Variants in AGPAT3 observed in about 807,000 individuals in gnomAD.
AGPAT3 encodes the protein 1-acylglycerol-3-phosphate O-acyltransferase 3.
A neutral mutation model predicts 47.3 loss-of-function variants in AGPAT3; 5 were observed. The ratio of observed to expected loss-of-function variants is 0.11; its 90% CI spans 0.06 to 0.22. The LOEUF (loss-of-function observed/expected upper bound fraction) is 0.22. Ranked by LOEUF, AGPAT3 falls within the 10% of genes least tolerant of loss-of-function variation. The pLI, the probability that AGPAT3 is intolerant of heterozygous loss-of-function variation, is 1.00. For synonymous variants in AGPAT3, 212 were observed against 208.3 expected (o/e 1.02, Z -0.15); for missense variants, 315 against 493.0 (o/e 0.64, Z 3.42).
intron 7 of AGPAT3, among the ~76,000 whole-genome samples, 187 bp from the exon 8 acceptor site, chr21:43,977,859 C>T (rs2089678412): frequency 5.3e-5 from 8 of 151,232 alleles, no homozygotes; most frequent in Admixed American, 5.3e-4. Flanking sequence ...TGCTCTCCAG[C>T]CTGGCAACAG....
intron 1 of AGPAT3, among the ~76,000 whole-genome samples, chr21:43,868,023 T>C (rs1297401023): frequency 6.6e-6 from 1 of 152,214 alleles, no homozygotes; most frequent in African/African-American, 2.4e-5. Context: ...TTTAGGCAAG[T>C]GCATTAATCG....
intron 2 of AGPAT3, chr21:43,946,886 A>AG (rs1296741234): frequency 1.3e-5 from 2 of 152,314 alleles, no homozygotes; most frequent in Non-Finnish European, 2.9e-5. Flanking sequence ...TAGCATGGGA[A>AG]GCGCCTGCTG....
chr21:43,909,541 CT>C (rs2146082386), intron 2 of AGPAT3, among the ~76,000 whole-genome samples: 1 of 152,362 alleles, frequency 6.6e-6, no homozygotes, highest in Admixed American at 6.5e-5. Flanking sequence ...CGTGATCCAC[CT>C]GTCTTGGCCT....
chr21:43,945,417 T>G (rs984636587), intron 2 of AGPAT3, among the ~76,000 whole-genome samples: 2 of 152,252 alleles, frequency 1.3e-5, no homozygotes, highest in Admixed American at 1.3e-4. Context: ...CACGTTTTAT[T>G]GGTTTGAGTA....
intron 3 of AGPAT3, chr21:43,960,652 C>T: frequency 2.7e-6 from 2 of 729,968 alleles, no homozygotes; most frequent in Middle Eastern, 7.0e-4. Context: ...CTAGAAGCAA[C>T]CCAAGCACCT....
At chr21:43,889,683 C>G (rs1371208215) in intron 1 of AGPAT3, among the ~76,000 whole-genome samples, 1 of 152,156 alleles carries the variant, frequency 6.6e-6, no homozygotes, top group African/African-American at 2.4e-5. Context: ...CGTGCCTGAT[C>G]TCATCAGAAG....
At chr21:43,904,868 A>T (rs2086451639) in intron 2 of AGPAT3, among the ~76,000 whole-genome samples, 1 of 152,058 alleles carries the variant, frequency 6.6e-6, no homozygotes, top group Non-Finnish European at 1.5e-5. Flanking sequence ...ATCAAATCCC[A>T]TCCCTGATGT....
chr21:43,913,838 C>T (rs147954017), intron 2 of AGPAT3, among the ~76,000 whole-genome samples: 2 of 152,160 alleles, frequency 1.3e-5, no homozygotes, highest in African/African-American at 4.8e-5. Context: ...GTACCGAGGT[C>T]GAGAGACCTC....
At position 43,934,622 on chromosome 21, in the gene AGPAT3, C is replaced by T. The variant is rs541791564; in HGVS notation, c.-48-25012C>T. Reference sequence around the variant, plus strand: ...GGTGATGGGGCGGAGGAGGGGACAGCGGGAACCTGTGGAGGGGCGGGCTCA... The same window carrying T: ...GGTGATGGGGCGGAGGAGGGGACAGTGGGAACCTGTGGAGGGGCGGGCTCA... On this transcript the variant is annotated intron_variant, in intron 2 of 9. Coordinates refer to ENST00000291572, the MANE Select transcript of AGPAT3 (RefSeq NM_020132.5). This position sits in a 1 kb window ranked among gnomAD's most constrained non-coding sequence, Gnocchi z 4.7. 6.6e-6 allele frequency among the ~76,000 whole-genome samples: 1 copy of T among 152,238 alleles called. No individual in the cohort carries two copies. Among genetic ancestry groups the T allele is most frequent in the East Asian group, 1.9e-4 (1 of 5,182 alleles).
At chr21:43,931,612 C>T (rs369675570) in intron 2 of AGPAT3, among the ~76,000 whole-genome samples, 128 of 151,668 alleles carry the variant, frequency 8.4e-4, no homozygotes, top group African/African-American at 2.8e-3. Context: ...GACGCCACAT[C>T]GGCCCCGTTA....
intron 3 of AGPAT3, among the ~76,000 whole-genome samples, chr21:43,961,071 T>A (rs2088809129): frequency 1.3e-5 from 2 of 148,390 alleles, no homozygotes; most frequent in Non-Finnish European, 3.0e-5. Flanking sequence ...ACCTGGGAGG[T>A]GGAGGCTGCA....
intron 8 of AGPAT3, 64 bp from the exon 9 acceptor site, chr21:43,980,925 C>T: frequency 6.9e-7 from 1 of 1,453,288 alleles, no homozygotes; most frequent in East Asian, 2.3e-5. Flanking sequence ...CAATCTTCTC[C>T]TGCATTGAAA....
At chr21:43,935,577 G>C (rs1365146527) in intron 2 of AGPAT3, among the ~76,000 whole-genome samples, 1 of 152,242 alleles carries the variant, frequency 6.6e-6, no homozygotes, top group Non-Finnish European at 1.5e-5. Flanking sequence ...GCGGAGCTCG[G>C]AGAGACCTGA....
chr21:43,966,086 T>G (rs943956387), intron 3 of AGPAT3: 2 of 152,254 alleles, frequency 1.3e-5, no homozygotes, highest in Non-Finnish European at 2.9e-5. Context: ...CTGACAGCTG[T>G]CTGCAGTTAG....
rs2089364262 is a variant in AGPAT3, at chr21:43,970,855, A to G, written c.664+49A>G. 8 of 1,442,944 alleles carry G rather than the reference A, an allele frequency of 5.5e-6. No homozygotes were observed. The African/African-American group carries it at 1.2e-4, about 22-fold the overall frequency. The allele number at this position is 1,442,944 out of a possible 1,614,324, so 89.4% of individuals were successfully genotyped here. A position where few individuals can be genotyped will look rare whatever the true frequency, so the allele number is the denominator to read the frequency against. ...GGGGCCACCGCTATGCTCACGGAAA[A>G]TAGTGATTTCTTTAAAAAAAAAAAA... On this transcript the variant is annotated intron_variant, in intron 6 of 9. Coordinates refer to ENST00000291572, the MANE Select transcript of AGPAT3 (RefSeq NM_020132.5). The surrounding 1 kb of genome is among the most constrained non-coding windows in gnomAD (Gnocchi z 5.8).
chr21:43,929,391 C>G (rs909212280), intron 2 of AGPAT3, among the ~76,000 whole-genome samples: 1 of 152,246 alleles, frequency 6.6e-6, no homozygotes, highest in Non-Finnish European at 1.5e-5. Context: ...CATCACCACA[C>G]ACTCCTGGAG....
At position 43,952,367 on chromosome 21, in the gene AGPAT3, A is replaced by G. The variant is rs983300729; in HGVS notation, c.-48-7267A>G. Among the ~76,000 whole-genome samples the G allele has an allele frequency of 1.3e-5, 2 of 152,182 alleles. No individual in the cohort carries two copies. The highest frequency in any genetic ancestry group is 4.8e-5 in the African/African-American group (2 of 41,436). ...GTGTTAAAGGCCCTGTCTCCAAATAAGGTCACATTTCGAGGACCTGGGCAT... is the reference window on the plus strand; with the variant it reads ...GTGTTAAAGGCCCTGTCTCCAAATAGGGTCACATTTCGAGGACCTGGGCAT... On this transcript the variant is annotated intron_variant, in intron 2 of 9. Transcript: ENST00000291572. The surrounding 1 kb of genome is among the most constrained non-coding windows in gnomAD (Gnocchi z 5.6).
intron 1 of AGPAT3, among the ~76,000 whole-genome samples, chr21:43,891,356 G>A (rs2086098843): frequency 1.3e-5 from 2 of 152,142 alleles, no homozygotes; most frequent in South Asian, 2.1e-4. Flanking sequence ...ACTCCGGGCC[G>A]GGTGCGGTGG....
chr21:43,963,189 G>A (rs2088959714), intron 3 of AGPAT3, among the ~76,000 whole-genome samples: 1 of 152,164 alleles, frequency 6.6e-6, no homozygotes, highest in Non-Finnish European at 1.5e-5. Flanking sequence ...ATGTGAAATA[G>A]GCGTGAAAAG....
Sources: gnomAD v4.1 joint callset for allele counts (sites outside exome capture counted in the v4.1 genomes callset) on GRCh38, gnomAD v4.1.1 for gene constraint, Gnocchi (gnomAD v3.1) non-coding constraint, MANE v1.5 for transcripts, NCBI Gene and HGNC (gene_info 2026-07-23, HGNC 2026-07-21) for gene names.